TTLL11: variants seen among roughly 807,000 people sequenced by gnomAD.
TTLL11 encodes the protein tubulin tyrosine ligase like 11, also known as tubulin polyglutamylase TTLL11.
A neutral mutation model predicts 51.7 loss-of-function variants in TTLL11; 42 were observed. The ratio of observed to expected loss-of-function variants is 0.81; its 90% CI spans 0.64 to 1.05. The LOEUF (loss-of-function observed/expected upper bound fraction) is 1.05. TTLL11 is among the 50% of genes least tolerant of loss of function. TTLL11 has a pLI of 0.00. For missense variants in TTLL11, 799 were observed against 940.4 expected, an observed-to-expected ratio of 0.85 and a Z score of 1.97; for synonymous variants, 381 against 383.5, an observed-to-expected ratio of 0.99 and a Z score of 0.08.
chr9:121,866,431 G>A (rs1241888130), intron 7 of TTLL11, among the ~76,000 whole-genome samples: 1 of 151,992 alleles, frequency 6.6e-6, no homozygotes, highest in East Asian at 1.9e-4. Flanking sequence ...AGGCTGAGGC[G>A]GGTGGATCAC....
At chr9:121,917,494 A>G (rs1192953487) in intron 6 of TTLL11, among the ~76,000 whole-genome samples, 1 of 150,680 alleles carries the variant, frequency 6.6e-6, no homozygotes, top group African/African-American at 2.5e-5. Context: ...AGAAAAGGAA[A>G]GAAAAGAAAA....
chr9:122,013,607 G>A (rs1466404392), intron 3 of TTLL11, among the ~76,000 whole-genome samples: 1 of 152,202 alleles, frequency 6.6e-6, no homozygotes, highest in South Asian at 2.1e-4. Context: ...TAGTCTCAGC[G>A]AATCACACCA....
rs1347220409 is a variant in TTLL11, at chr9:121,821,700, C to G, written c.*887G>C. ...CTGGCACCAGGTCTGACATACACTA[C>G]TCCTCTTGCTCTGGTTCTTATCCAT... On this transcript the variant is annotated 3_prime_UTR_variant, in exon 9 of 9. Coordinates refer to ENST00000321582, the MANE Select transcript of TTLL11 (RefSeq NM_001139442.2). This position sits in a 1 kb window ranked among gnomAD's most constrained non-coding sequence, Gnocchi z 5.0. 6.6e-6 allele frequency among the ~76,000 whole-genome samples: 1 copy of G among 152,134 alleles called. No homozygotes were observed. The highest frequency in any genetic ancestry group is 2.4e-5 in the African/African-American group (1 of 41,426).
intron 6 of TTLL11, among the ~76,000 whole-genome samples, chr9:121,973,426 A>T (rs1842623382): frequency 6.6e-6 from 1 of 152,184 alleles, no homozygotes; most frequent in Admixed American, 6.5e-5. Flanking sequence ...GAGGATTTCA[A>T]AGAGAAGCAC....
In TTLL11 at chr9:121,897,640, A is replaced by ACACACACACACACACACACACACACAGG. The variant is rs111331446; in HGVS notation, c.1482-26893_1482-26892insCCTGTGTGTGTGTGTGTGTGTGTGTGTG. Among the ~76,000 whole-genome samples, 28 of 139,390 alleles carry ACACACACACACACACACACACACACAGG rather than the reference A, an allele frequency of 2.0e-4. No homozygotes were observed. The East Asian group carries it at 6.1e-3, about 31-fold the overall frequency. The allele number at this position is 139,390 out of a possible 152,430, so 91.4% of individuals were successfully genotyped here. On this transcript the variant is annotated intron_variant, in intron 6 of 8. Transcript: ENST00000321582. The stretch of plus-strand genomic sequence containing the variant: ...CAGGCACACACACACACACACACAC[A>ACACACACACACACACACACACACACAGG]CGCGCGCGCGAAGTCTCCAACTGCC...
intron 3 of TTLL11, among the ~76,000 whole-genome samples, chr9:121,996,495 A>G (rs1330460756): frequency 6.6e-6 from 1 of 152,156 alleles, no homozygotes; most frequent in Non-Finnish European, 1.5e-5. Context: ...ACATGTATAG[A>G]GTACACACAT....
At chr9:122,088,087 G>T (rs1846174571) in intron 1 of TTLL11, among the ~76,000 whole-genome samples, 1 of 152,116 alleles carries the variant, frequency 6.6e-6, no homozygotes, top group Non-Finnish European at 1.5e-5. Flanking sequence ...AGGGAGGCCG[G>T]GTCTATATAT....
At chr9:121,841,596 G>A (rs550685815) in intron 8 of TTLL11, among the ~76,000 whole-genome samples, 1 of 152,256 alleles carries the variant, frequency 6.6e-6, no homozygotes, top group Non-Finnish European at 1.5e-5. Context: ...AGGCTGCTTG[G>A]GGCCTCCCGG....
At chr9:122,091,879 C>T (rs902606562) in intron 1 of TTLL11, among the ~76,000 whole-genome samples, 1 of 152,190 alleles carries the variant, frequency 6.6e-6, no homozygotes, top group South Asian at 2.1e-4. Flanking sequence ...CTAAAATGGG[C>T]TCAGGGATGA....
Position 121,890,918 on chromosome 9 carries a change from G to C in TTLL11, c.1482-20170C>G, listed in dbSNP as rs1470708691. 2.0e-5 allele frequency among the ~76,000 whole-genome samples: 3 copies of C among 152,158 alleles called. No individual in the cohort carries two copies. Among genetic ancestry groups the C allele is most frequent in the African/African-American group, 7.2e-5 (3 of 41,424 alleles). On this transcript the variant is annotated intron_variant, in intron 6 of 8. Coordinates refer to ENST00000321582, the MANE Select transcript of TTLL11 (RefSeq NM_001139442.2). This position sits in a 1 kb window ranked among gnomAD's most constrained non-coding sequence, Gnocchi z 4.3. Reference sequence around the variant, plus strand: ...CATCTCAGACCACAGTCCTATTTAAGCTCCAGCCACATTGCCCTGCCCACT... The same window carrying C: ...CATCTCAGACCACAGTCCTATTTAACCTCCAGCCACATTGCCCTGCCCACT...
intron 6 of TTLL11, among the ~76,000 whole-genome samples, chr9:121,934,596 T>C (rs1040180811): frequency 6.6e-6 from 1 of 152,238 alleles, no homozygotes; most frequent in Non-Finnish European, 1.5e-5. Flanking sequence ...GGAACATGTC[T>C]ACAAATGTCC....
chr9:121,951,715 G>T (rs189928463), intron 6 of TTLL11, among the ~76,000 whole-genome samples: 2 of 152,282 alleles, frequency 1.3e-5, no homozygotes, highest in Non-Finnish European at 2.9e-5. Flanking sequence ...TGGACCTCCC[G>T]CAGGAAAGAA....
At chr9:121,997,276 A>G (rs963298349) in intron 3 of TTLL11, among the ~76,000 whole-genome samples, 4 of 152,118 alleles carry the variant, frequency 2.6e-5, no homozygotes, top group Non-Finnish European at 1.5e-5. Context: ...TTTTCCTCTC[A>G]GGTCCCTTCT....
At chr9:121,825,779 C>A (rs1423649006) in intron 8 of TTLL11, among the ~76,000 whole-genome samples, 1 of 151,886 alleles carries the variant, frequency 6.6e-6, no homozygotes, top group Non-Finnish European at 1.5e-5. Context: ...CAGTTTCGTT[C>A]CCTTAGTTGA....
intron 3 of TTLL11, among the ~76,000 whole-genome samples, chr9:121,994,819 G>A (rs1349850984): frequency 6.6e-6 from 1 of 152,230 alleles, no homozygotes; most frequent in East Asian, 1.9e-4. Flanking sequence ...ATTTACCCAA[G>A]TGGTTGGATG....
intron 2 of TTLL11, among the ~76,000 whole-genome samples, chr9:122,038,980 A>AT: frequency 6.6e-6 from 1 of 152,240 alleles, no homozygotes; most frequent in South Asian, 2.1e-4. Context: ...ATGTTCTATT[A>AT]TTTTTTCATT....
At position 121,897,637 on chromosome 9, in the gene TTLL11, C is replaced by CAT. The variant is rs1298780082; in HGVS notation, c.1482-26890_1482-26889insAT. Among the ~76,000 whole-genome samples, 582 of 120,408 alleles carry CAT rather than the reference C, an allele frequency of 4.8e-3. 5 individuals carry two copies. The highest frequency in any genetic ancestry group is 0.016 in the African/African-American group (539 of 34,644). The allele number at this position is 120,408 out of a possible 152,430, so 79.0% of individuals were successfully genotyped here. A position where few individuals can be genotyped will look rare whatever the true frequency, so the allele number is the denominator to read the frequency against. On this transcript the variant is annotated intron_variant, in intron 6 of 8. Coordinates refer to ENST00000321582, the MANE Select transcript of TTLL11 (RefSeq NM_001139442.2). ...CTCCAGGCACACACACACACACACACACACGCGCGCGCGAAGTCTCCAACT... is the reference window on the plus strand; with the variant it reads ...CTCCAGGCACACACACACACACACACATACACGCGCGCGCGAAGTCTCCAACT...
intron 1 of TTLL11, among the ~76,000 whole-genome samples, chr9:122,063,348 T>C (rs901307538): frequency 2.0e-5 from 3 of 152,222 alleles, no homozygotes; most frequent in Non-Finnish European, 4.4e-5. Flanking sequence ...TCAGATCTAT[T>C]GTTGATTTTT....
intron 6 of TTLL11, among the ~76,000 whole-genome samples, chr9:121,934,241 A>AATAAATAAATAC (rs1359023096): frequency 6.7e-6 from 1 of 149,074 alleles, no homozygotes; most frequent in Admixed American, 6.6e-5. Context: ...CTCAAAAATA[A>AATAAATAAATAC]ATAAATAAAT....
Sources: allele counts gnomAD v4.1 joint callset (sites outside exome capture counted in the v4.1 genomes callset), GRCh38; gene constraint gnomAD v4.1.1; non-coding constraint Gnocchi (gnomAD v3.1); transcripts MANE v1.5; gene names NCBI Gene and HGNC (gene_info 2026-07-23, HGNC 2026-07-21).